The following CHRNB1 variants were observed in gnomAD, a reference collection of about 807,000 sequenced individuals.
CHRNB1 encodes cholinergic receptor nicotinic beta 1 subunit.
CHRNB1 carries 47 observed loss-of-function variants against 53.8 expected under a neutral mutation model. The observed-to-expected ratio is 0.87, with a 90% CI of 0.69 to 1.11. The LOEUF (loss-of-function observed/expected upper bound fraction) is 1.11, where lower values mean the gene tolerates loss of function less well. Ranked by LOEUF, CHRNB1 falls within the 50% of genes most tolerant of loss-of-function variation. The pLI, the probability that CHRNB1 is intolerant of heterozygous loss-of-function variation, is 0.00. For synonymous variants in CHRNB1, 259 were observed against 263.5 expected (o/e 0.98, Z 0.16); for missense variants, 605 against 654.9 (o/e 0.92, Z 0.83).
chr17:7,457,005 A>G lies in CHRNB1; in HGVS notation c.*282A>G, dbSNP rs938321792. The G allele has an allele frequency of 8.9e-6, 4 of 450,862 alleles. No individual in the cohort carries two copies. Among genetic ancestry groups the G allele is most frequent in the Admixed American group, 3.5e-5 (1 of 28,936 alleles). 27.9% of individuals were successfully genotyped at this position (450,862 alleles called of 1,614,324 possible). A position where few individuals can be genotyped will look rare whatever the true frequency, so the allele number is the denominator to read the frequency against. The stretch of plus-strand genomic sequence containing the variant: ...TAGAACACAGAACAGGAACTAGATT[A>G]TAAGCCTTATGAGGTCAAGAAATGT... On this transcript the variant is annotated 3_prime_UTR_variant, in exon 11 of 11. Transcript: ENST00000306071.
chr17:7,455,945 T>C lies in CHRNB1; in HGVS notation c.1365+4T>C. 2.5e-6 allele frequency: 4 copies of C among 1,613,688 alleles called. No homozygotes were observed. The highest frequency in any genetic ancestry group is 3.4e-6 in the Non-Finnish European group (4 of 1,179,992). On this transcript the variant is annotated splice_donor_region_variant and intron_variant, in intron 10 of 10. Transcript: ENST00000306071. ...GGAACAGGAGGACCACGATGCGGTA[T>C]GTCCAACGGGGGTGGAACAAGGCCA...
chr17:7,450,040 A>T (rs558487059), intron 7 of CHRNB1, among the ~76,000 whole-genome samples: 1 of 142,888 alleles, frequency 7.0e-6, no homozygotes, highest in African/African-American at 2.6e-5. Context: ...TCTGTCTCAA[A>T]AAATAAATAA....
At chr17:7,451,274 C>CTTTTTTTTTTTTTTTTTTTTT (rs34769424) in intron 7 of CHRNB1, among the ~76,000 whole-genome samples, 6 of 92,018 alleles carry the variant, frequency 6.5e-5, no homozygotes, top group African/African-American at 9.5e-5. Flanking sequence ...CTTTTCTTTT[C>CTTTTTTTTTTTTTTTTTTTTT]TTTTTTTTTT....
At chr17:7,456,382 C>T (rs185519848) in intron 10 of CHRNB1, among the ~76,000 whole-genome samples, 27 of 152,166 alleles carry the variant, frequency 1.8e-4, no homozygotes, top group Non-Finnish European at 3.4e-4. Context: ...GGACCTCTCC[C>T]TCATTTGGTC....
intron 10 of CHRNB1, among the ~76,000 whole-genome samples, chr17:7,456,150 T>C (rs1392827363): frequency 7.0e-6 from 1 of 141,886 alleles, no homozygotes; most frequent in Non-Finnish European, 1.5e-5. Flanking sequence ...CGCCTACGGG[T>C]TCAAGCGATT....
chr17:7,452,402 C>T (rs898142351), intron 7 of CHRNB1, among the ~76,000 whole-genome samples: 1 of 152,164 alleles, frequency 6.6e-6, no homozygotes, highest in Non-Finnish European at 1.5e-5. Flanking sequence ...CGGTTGAGAA[C>T]AGTCAGCATG....
At chr17:7,454,052 C>A (rs745976501) in intron 7 of CHRNB1, among the ~76,000 whole-genome samples, 5 of 152,036 alleles carry the variant, frequency 3.3e-5, no homozygotes, top group Non-Finnish European at 7.4e-5. Context: ...CAGAGCAAGA[C>A]CCAGCCTCAA....
chr17:7,456,494 G>A (rs2069951977), intron 10 of CHRNB1, 89 bp from the exon 11 acceptor site: 4 of 1,556,144 alleles, frequency 2.6e-6, no homozygotes, highest in Non-Finnish European at 2.6e-6. Flanking sequence ...GTGGTAGGAG[G>A]ACTCAAGCGG....
At chr17:7,454,014 TC>T (rs1468721925) in intron 7 of CHRNB1, among the ~76,000 whole-genome samples, 6 of 152,286 alleles carry the variant, frequency 3.9e-5, no homozygotes, top group Admixed American at 3.9e-4. Context: ...TGAGCCATTA[TC>T]ATGCCACTGC....
rs2069956399 is a variant in CHRNB1, at chr17:7,456,708, A to G, written c.1491A>G (p.Pro497=). ...FLDATYHLPP[P]DPFP is the part of the protein sequence containing the mutation. ...ACGCCACGTACCACTTGCCCCCTCC[A>G]GACCCCTTTCCTTGAAGACTGGAGG... is the stretch of plus-strand genomic sequence containing the variant. The change falls in exon 11 of 11, where the codon CCA becomes CCG. Residue 497 remains proline (P), a synonymous_variant. Transcript: ENST00000306071. 6.2e-7 allele frequency: 1 copy of G among 1,613,484 alleles called. No homozygotes were observed. The highest frequency in any genetic ancestry group is 1.1e-5 in the South Asian group (1 of 91,074).
intron 8 of CHRNB1, 31 bp from the exon 9 acceptor site, chr17:7,455,253 C>T (rs1203334337): frequency 3.1e-6 from 5 of 1,613,358 alleles, no homozygotes; most frequent in South Asian, 1.1e-5. Context: ...AGCATGAAAG[C>T]CCCCACCAAT....
At chr17:7,449,754 A>G (rs1321647774) in intron 7 of CHRNB1, among the ~76,000 whole-genome samples, 1 of 151,104 alleles carries the variant, frequency 6.6e-6, no homozygotes, top group Non-Finnish European at 1.5e-5. Flanking sequence ...AATATATAAT[A>G]GTAATAGCCA....
At chr17:7,455,529 G>A in intron 9 of CHRNB1, 73 bp downstream of exon 9, 1 of 1,575,440 alleles carries the variant, frequency 6.3e-7, no homozygotes, top group Non-Finnish European at 8.7e-7. Flanking sequence ...TGCGGAAGAA[G>A]CGGCCCATGC....
chr17:7,447,433 A>G, intron 5 of CHRNB1, 70 bp from the exon 6 acceptor site: 1 of 1,588,446 alleles, frequency 6.3e-7, no homozygotes, highest in Admixed American at 1.7e-5. Flanking sequence ...TGCCCTCCCC[A>G]AAGACCTCCC....
rs74252271 is a variant in CHRNB1 at position 7,456,362 on chromosome 17, G to A, written c.1366-221G>A. Among the ~76,000 whole-genome samples the A allele has an allele frequency of 4.0e-3, 603 of 152,022 alleles. 9 individuals carry two copies. The highest frequency in any genetic ancestry group is 0.027 in the East Asian group (137 of 5,152). ...AGCCACCGCGCCCGGCCTCGCTTTC[G>A]TTTCTGATTGGACCTCTCCCTCATT... On this transcript the variant is annotated intron_variant, in intron 10 of 10. Coordinates refer to ENST00000306071, the MANE Select transcript of CHRNB1 (RefSeq NM_000747.3).
At position 7,447,523 on chromosome 17, in the gene CHRNB1, C is replaced by T; in HGVS notation, c.483C>T (p.Asp161=). The T allele has an allele frequency of 1.2e-6, 2 of 1,614,214 alleles. No individual in the cohort carries two copies. Among genetic ancestry groups the T allele is most frequent in the Non-Finnish European group, 1.7e-6 (2 of 1,180,050 alleles). The change falls in exon 6 of 11, where the codon GAC becomes GAT. Residue 161 remains aspartate (D), a synonymous_variant. Transcript: ENST00000306071. ...TCCAGGTCACCTACTTCCCCTTCGA[C>T]TGGCAGAATTGCACTATGGTGTTCA... ...CSIQVTYFPF[D]WQNCTMVFSS...
At chr17:7,451,595 A>C (rs1908891934) in intron 7 of CHRNB1, among the ~76,000 whole-genome samples, 1 of 151,492 alleles carries the variant, frequency 6.6e-6, no homozygotes, top group Non-Finnish European at 1.5e-5. Flanking sequence ...ATGTTTTTTA[A>C]CGTTGGTCTT....
intron 7 of CHRNB1, among the ~76,000 whole-genome samples, chr17:7,451,332 A>G (rs1476808611): frequency 1.2e-4 from 15 of 128,710 alleles, no homozygotes; most frequent in Non-Finnish European, 2.2e-4. Context: ...GCTGGCATGC[A>G]GTGGCGCGAT....
chr17:7,449,575 T>C (rs1273195068), intron 7 of CHRNB1, among the ~76,000 whole-genome samples: 1 of 151,728 alleles, frequency 6.6e-6, no homozygotes, highest in East Asian at 1.9e-4. Context: ...GCCCAGCTGA[T>C]TTTTTTGTAT....
Sources: allele counts gnomAD v4.1 joint callset (sites outside exome capture counted in the v4.1 genomes callset), GRCh38; gene constraint gnomAD v4.1.1; transcripts MANE v1.5; gene names NCBI Gene and HGNC (gene_info 2026-07-23, HGNC 2026-07-21).